The following NXPH1 variants were observed in gnomAD, a reference collection of about 807,000 sequenced individuals.
The protein encoded by NXPH1 is neurexophilin 1.
Under a neutral mutation model 23.7 loss-of-function variants are expected in NXPH1, and 5 were observed. That is an observed-to-expected ratio of 0.21 (90% confidence interval 0.11 to 0.44). The LOEUF is 0.44. Among genes scored for constraint, NXPH1 ranks in the 20% least tolerant of loss-of-function variants. The pLI, the probability that NXPH1 is intolerant of heterozygous loss-of-function variation, is 0.99. For synonymous variants in NXPH1, 144 were observed against 122.2 expected, an observed-to-expected ratio of 1.18 and a Z score of -1.18; for missense variants, 324 against 321.6, an observed-to-expected ratio of 1.01 and a Z score of -0.06.
chr7:8,494,238 T>G (rs1817299299), intron 2 of NXPH1, among the ~76,000 whole-genome samples: 1 of 152,056 alleles, frequency 6.6e-6, no homozygotes, highest in Non-Finnish European at 1.5e-5. Flanking sequence ...AAGGCATAAT[T>G]TCTTATGTAA....
In NXPH1 at chr7:8,595,192, TATAA is replaced by T. The variant is rs145588981; in HGVS notation, c.55-155794_55-155791del. Among the ~76,000 whole-genome samples the T allele has an allele frequency of 1.5e-4, 22 of 151,508 alleles. No homozygotes were observed. The East Asian group carries it at 3.3e-3, about 23-fold the overall frequency. The stretch of plus-strand genomic sequence containing the variant: ...AAAGAAGGAGTGTTACTTCTGCCAG[TATAA>T]ATAAATAAATAAATAAATAAACAAA... On this transcript the variant is annotated intron_variant, in intron 2 of 2. Coordinates refer to ENST00000405863, the MANE Select transcript of NXPH1 (RefSeq NM_152745.3).
intron 2 of NXPH1, among the ~76,000 whole-genome samples, chr7:8,666,473 G>A (rs1208369969): frequency 6.6e-6 from 1 of 151,986 alleles, no homozygotes; most frequent in Non-Finnish European, 1.5e-5. Flanking sequence ...ATGTTCCCCA[G>A]GGATATTGAC....
chr7:8,687,510 A>G (rs7794282), intron 2 of NXPH1, among the ~76,000 whole-genome samples: 53,450 of 152,104 alleles, frequency 0.35, 9,495 homozygotes, highest in East Asian at 0.44. Flanking sequence ...CTAATCATAG[A>G]AACATGGTTC....
intron 2 of NXPH1, among the ~76,000 whole-genome samples, chr7:8,579,664 G>T (rs562372565): frequency 6.6e-6 from 1 of 152,170 alleles, no homozygotes; most frequent in African/African-American, 2.4e-5. Flanking sequence ...GAGCCACCAC[G>T]CCTGGCCGGA....
chr7:8,603,528 C>G (rs1358696636), intron 2 of NXPH1, among the ~76,000 whole-genome samples: 1 of 152,166 alleles, frequency 6.6e-6, no homozygotes, highest in African/African-American at 2.4e-5. Flanking sequence ...CCCCTCAAGT[C>G]TGCCTTCATC....
chr7:8,560,239 C>T (rs10274985), intron 2 of NXPH1, among the ~76,000 whole-genome samples: 22,296 of 151,654 alleles, frequency 0.15, 2,741 homozygotes, highest in African/African-American at 0.34. Context: ...TGAAGTTTGA[C>T]TTCTCAAACC....
intron 2 of NXPH1, among the ~76,000 whole-genome samples, chr7:8,606,970 T>G (rs1819507077): frequency 6.6e-6 from 1 of 152,190 alleles, no homozygotes; most frequent in South Asian, 2.1e-4. Flanking sequence ...TTTCTGATGT[T>G]TTGTGAATAT....
chr7:8,458,145 T>G (rs2128606449), intron 2 of NXPH1, among the ~76,000 whole-genome samples: 1 of 152,372 alleles, frequency 6.6e-6, no homozygotes, highest in South Asian at 2.1e-4. Context: ...TATTCTACGC[T>G]TCTTCCTATG....
Position 8,741,370 on chromosome 7 carries a change from AT to A in NXPH1, c.55-9630del, listed in dbSNP as rs1162926583. Among the ~76,000 whole-genome samples the A allele has an allele frequency of 4.6e-5, 7 of 152,184 alleles. No individual in the cohort carries two copies. The East Asian group carries it at 7.7e-4, about 17-fold the overall frequency. On this transcript the variant is annotated intron_variant, in intron 2 of 2. Coordinates refer to ENST00000405863, the MANE Select transcript of NXPH1 (RefSeq NM_152745.3). ...ATGCTGCAATGAATATAAAATGCAG[AT>A]TTTTTTTGAGACCCTGATTTCATTT...
intron 2 of NXPH1, among the ~76,000 whole-genome samples, chr7:8,665,232 T>C (rs1304261164): frequency 6.6e-6 from 1 of 152,050 alleles, no homozygotes. Flanking sequence ...TTCCTAATTC[T>C]ACATCTGAAT....
At chr7:8,452,121 T>C (rs1444984652) in intron 2 of NXPH1, among the ~76,000 whole-genome samples, 2 of 152,212 alleles carry the variant, frequency 1.3e-5, no homozygotes, top group Non-Finnish European at 2.9e-5. Flanking sequence ...GGCCCGGAAA[T>C]GGAACTTTGT....
intron 2 of NXPH1, among the ~76,000 whole-genome samples, chr7:8,674,701 A>G (rs555195382): frequency 5.6e-4 from 85 of 152,316 alleles, no homozygotes; most frequent in Non-Finnish European, 1.1e-3. Flanking sequence ...GAGGGGTTCA[A>G]TTGTAGCTGC....
At chr7:8,488,617 T>C (rs1347182462) in intron 2 of NXPH1, among the ~76,000 whole-genome samples, 3 of 152,152 alleles carry the variant, frequency 2.0e-5, no homozygotes, top group Non-Finnish European at 2.9e-5. Context: ...ATGTTTTTGG[T>C]CTTCTGAAGG....
intron 2 of NXPH1, among the ~76,000 whole-genome samples, chr7:8,705,637 T>A (rs1327733908): frequency 6.6e-6 from 1 of 152,168 alleles, no homozygotes; most frequent in Non-Finnish European, 1.5e-5. Flanking sequence ...TGTGGTCCCA[T>A]ATGCGGTTTC....
intron 2 of NXPH1, among the ~76,000 whole-genome samples, chr7:8,698,715 G>T (rs186251962): frequency 6.6e-6 from 1 of 152,230 alleles, no homozygotes; most frequent in South Asian, 2.1e-4. Context: ...GAGAACCACA[G>T]ATCTATATAA....
At chr7:8,604,563 C>T (rs1192617242) in intron 2 of NXPH1, among the ~76,000 whole-genome samples, 2 of 151,944 alleles carry the variant, frequency 1.3e-5, no homozygotes, top group Non-Finnish European at 2.9e-5. Context: ...TTGAAGTGAA[C>T]AATATAAAAA....
chr7:8,534,379 T>C (rs1817994856), intron 2 of NXPH1, among the ~76,000 whole-genome samples: 1 of 152,158 alleles, frequency 6.6e-6, no homozygotes, highest in African/African-American at 2.4e-5. Flanking sequence ...ATCTATTTAC[T>C]ACTAGGTTGA....
intron 2 of NXPH1, among the ~76,000 whole-genome samples, chr7:8,554,320 G>A (rs1222305997): frequency 6.6e-6 from 1 of 151,620 alleles, no homozygotes; most frequent in Non-Finnish European, 1.5e-5. Context: ...ATCCAAACCT[G>A]GGGATGATGC....
In NXPH1 at chr7:8,435,785, C is replaced by T. The variant is rs772729156; in HGVS notation, c.54+18C>T. 3 of 1,613,382 alleles carry T rather than the reference C, an allele frequency of 1.9e-6. No homozygotes were observed. Among genetic ancestry groups the T allele is most frequent in the African/African-American group, 1.3e-5 (1 of 74,972 alleles). ...TCTACTTGGTAAGTCTTGGAAGGTTCGGGGCTTTCGCATTTTTACCCCGGC... is the reference window on the plus strand; with the variant it reads ...TCTACTTGGTAAGTCTTGGAAGGTTTGGGGCTTTCGCATTTTTACCCCGGC... On this transcript the variant is annotated intron_variant, in intron 2 of 2. Coordinates refer to ENST00000405863, the MANE Select transcript of NXPH1 (RefSeq NM_152745.3). The surrounding 1 kb of genome is among the most constrained non-coding windows in gnomAD (Gnocchi z 5.9).
Sources: gnomAD v4.1 joint callset for allele counts (sites outside exome capture counted in the v4.1 genomes callset) on GRCh38, gnomAD v4.1.1 for gene constraint, Gnocchi (gnomAD v3.1) non-coding constraint, MANE v1.5 for transcripts, NCBI Gene and HGNC (gene_info 2026-07-23, HGNC 2026-07-21) for gene names.